RNASE6: variants seen among roughly 807,000 people sequenced by gnomAD.
RNASE6 encodes the protein ribonuclease K6.
For synonymous variants in RNASE6, 64 were observed against 63.6 expected (o/e 1.01, Z -0.03); for missense variants, 197 against 181.9 (o/e 1.08, Z -0.48).
chr14:20,781,357 G>A lies in RNASE6; in HGVS notation c.-6+19G>A. 4 of 241,476 alleles carry A rather than the reference G, an allele frequency of 1.7e-5. No homozygotes were observed. In the South Asian group the frequency reaches 2.4e-4, roughly 14 times the overall value. 15.0% of individuals were successfully genotyped at this position (241,476 alleles called of 1,614,324 possible). On this transcript the variant is annotated intron_variant, in intron 1 of 1. Transcript: ENST00000304677. ...AGACCAGGTAAGAAAGAAAGCCTCAGGGCTGGAGCGAGTAGAGCAGTAAAG... is the reference window on the plus strand; with the variant it reads ...AGACCAGGTAAGAAAGAAAGCCTCAAGGCTGGAGCGAGTAGAGCAGTAAAG...
At position 20,781,827 on chromosome 14, in the gene RNASE6, C is replaced by T. The variant is rs114480851; in HGVS notation, c.128C>T (p.Pro43Leu). 281 of 1,614,062 alleles carry T rather than the reference C, an allele frequency of 1.7e-4. 1 individual carries two copies. The African/African-American group carries it at 3.2e-3, about 18-fold the overall frequency. The change falls in exon 2 of 2, where the codon CCT becomes CTT. Residue 43 changes from proline to leucine, a missense_variant. Physicochemically the swap from Pro to Leu is moderately conservative, Grantham distance 98. Transcript: ENST00000304677. ...GAAATTCAGCATATACAGCCAAGTC[C>T]TCTCCAATGCAACAGGGCAATGAGT... ...WFEIQHIQPSPLQCNRAMSGI... is the reference protein window; with the variant it reads ...WFEIQHIQPSLLQCNRAMSGI...
chr14:20,781,177 T>C (rs1227309459), upstream of RNASE6: 2 of 154,384 alleles, frequency 1.3e-5, no homozygotes, highest in Admixed American at 6.4e-5. Context: ...GAAGTTAATC[T>C]GCCAAACCCT....
rs60909508 is a variant in RNASE6 at position 20,781,350 on chromosome 14, A to C, written c.-6+12A>C. 1 of 213,102 alleles carries C rather than the reference A, an allele frequency of 4.7e-6. No homozygotes were observed. Among genetic ancestry groups the C allele is most frequent in the African/African-American group, 2.3e-5 (1 of 42,876 alleles). 13.2% of individuals were successfully genotyped at this position (213,102 alleles called of 1,614,324 possible). ...AACACTGAGACCAGGTAAGAAAGAA[A>C]GCCTCAGGGCTGGAGCGAGTAGAGC... is the stretch of plus-strand genomic sequence containing the variant. On this transcript the variant is annotated intron_variant, in intron 1 of 1. Transcript: ENST00000304677.
rs1157287642 is a variant in RNASE6 at position 20,782,272 on chromosome 14, T to C, written c.*120T>C. On this transcript the variant is annotated 3_prime_UTR_variant, in exon 2 of 2. Coordinates refer to ENST00000304677, the MANE Select transcript of RNASE6 (RefSeq NM_005615.5). ...GAAAGAAGAAAGGTGTTTGGAGAAT[T>C]CGAGTGCCTAGGATGCCAGACCAGA... 8.9e-6 allele frequency: 9 copies of C among 1,014,362 alleles called. No homozygotes were observed. The highest frequency in any genetic ancestry group is 1.3e-5 in the Non-Finnish European group (9 of 693,894). 62.8% of individuals were successfully genotyped at this position (1,014,362 alleles called of 1,614,324 possible). A position where few individuals can be genotyped will look rare whatever the true frequency, so the allele number is the denominator to read the frequency against.
At position 20,782,026 on chromosome 14, in the gene RNASE6, A is replaced by C; in HGVS notation, c.327A>C (p.Gly109=). 1.2e-6 allele frequency: 2 copies of C among 1,614,230 alleles called. No individual in the cohort carries two copies. Among genetic ancestry groups the C allele is most frequent in the Non-Finnish European group, 1.7e-6 (2 of 1,180,034 alleles). The change falls in exon 2 of 2, where the codon GGA becomes GGC. Residue 109 remains glycine (G), a synonymous_variant. Coordinates refer to ENST00000304677, the MANE Select transcript of RNASE6 (RefSeq NM_005615.5). The part of the protein sequence containing the change: ...VNMTDCRLTS[G]KYPQCRYSAA... ...TGACTGACTGCAGACTCACTTCAGG[A>C]AAGTATCCCCAGTGCCGCTATAGTG...
chr14:20,782,028 A>G lies in RNASE6; in HGVS notation c.329A>G (p.Lys110Arg). 2.5e-6 allele frequency: 4 copies of G among 1,614,252 alleles called. No individual in the cohort carries two copies. The highest frequency in any genetic ancestry group is 2.5e-6 in the Non-Finnish European group (3 of 1,180,044). Residue 110 changes from lysine to arginine, a missense_variant, in exon 2 of 2, where the codon AAG becomes AGG. Coordinates refer to ENST00000304677, the MANE Select transcript of RNASE6 (RefSeq NM_005615.5). ...ACTGACTGCAGACTCACTTCAGGAA[A>G]GTATCCCCAGTGCCGCTATAGTGCT... ...NMTDCRLTSGKYPQCRYSAAA... is the reference protein window; with the variant it reads ...NMTDCRLTSGRYPQCRYSAAA...
At position 20,782,360 on chromosome 14, in the gene RNASE6, G is replaced by C. The variant is rs1042446516; in HGVS notation, c.*208G>C. ...TAGTTCTGTACTTTTCGAGAGAAGGGAATAGGGAAGACAGCAAAGAAAGAT... is the reference window on the plus strand; with the variant it reads ...TAGTTCTGTACTTTTCGAGAGAAGGCAATAGGGAAGACAGCAAAGAAAGAT... On this transcript the variant is annotated 3_prime_UTR_variant, in exon 2 of 2. Transcript: ENST00000304677. 3 of 569,432 alleles carry C rather than the reference G, an allele frequency of 5.3e-6. No individual in the cohort carries two copies. The highest frequency in any genetic ancestry group is 6.2e-6 in the Non-Finnish European group (2 of 320,964). The allele number at this position is 569,432 out of a possible 1,614,324, so 35.3% of individuals were successfully genotyped here.
At chr14:20,781,468 G>A in intron 1 of RNASE6, 130 bp downstream of exon 1, 1 of 502,522 alleles carries the variant, frequency 2.0e-6, no homozygotes, top group Non-Finnish European at 3.5e-6. Flanking sequence ...GCCATCAAAT[G>A]CATGAGTACT....
At position 20,781,910 on chromosome 14, in the gene RNASE6, T is replaced by G. The variant is rs1396131398; in HGVS notation, c.211T>G (p.Phe71Val). The change falls in exon 2 of 2, where the codon TTC (phenylalanine) becomes GTC (valine). Residue 71 changes from phenylalanine (F) to valine (V), a missense_variant. Transcript: ENST00000304677. ...TCAAAATACCTTTCTGCATGACTCTTTCCAGAATGTGGCTGCTGTCTGTGA... is the reference window on the plus strand; with the variant it reads ...TCAAAATACCTTTCTGCATGACTCTGTCCAGAATGTGGCTGCTGTCTGTGA... ...KHQNTFLHDS[F>V]QNVAAVCDLL... 1 of 1,614,212 alleles carries G rather than the reference T, an allele frequency of 6.2e-7. No homozygotes were observed. Among genetic ancestry groups the G allele is most frequent in the Non-Finnish European group, 8.5e-7 (1 of 1,180,046 alleles).
chr14:20,781,503 A>G (rs759352002), intron 1 of RNASE6, among the ~76,000 whole-genome samples, 165 bp downstream of exon 1: 10 of 152,246 alleles, frequency 6.6e-5, no homozygotes, highest in South Asian at 4.1e-4. Flanking sequence ...GGATATGCCA[A>G]TCAAAGGAGA....
rs532153320 is a variant in RNASE6 at position 20,781,891 on chromosome 14, T to A, written c.192T>A (p.Asn64Lys). The A allele has an allele frequency of 5.0e-6, 8 of 1,614,100 alleles. No individual in the cohort carries two copies. The highest frequency in any genetic ancestry group is 6.8e-6 in the Non-Finnish European group (8 of 1,180,048). Residue 64 changes from asparagine (N) to lysine (K), a missense_variant, in exon 2 of 2, where the codon AAT (asparagine) becomes AAA (lysine). Coordinates refer to ENST00000304677, the MANE Select transcript of RNASE6 (RefSeq NM_005615.5). Reference sequence around the variant, plus strand: ...ATACCCAGCACTGTAAGCATCAAAATACCTTTCTGCATGACTCTTTCCAGA... The same window carrying A: ...ATACCCAGCACTGTAAGCATCAAAAAACCTTTCTGCATGACTCTTTCCAGA... ...NNYTQHCKHQNTFLHDSFQNV... is the reference protein window; with the variant it reads ...NNYTQHCKHQKTFLHDSFQNV...
Position 20,782,429 on chromosome 14 carries a change from G to A in RNASE6, c.*277G>A. ...AACTTTTGCCAAGCTTTATTGCCCT[G>A]TGTTCACAGCAATAAAACCACTTCC... is the stretch of plus-strand genomic sequence containing the variant. On this transcript the variant is annotated 3_prime_UTR_variant, in exon 2 of 2. Coordinates refer to ENST00000304677, the MANE Select transcript of RNASE6 (RefSeq NM_005615.5). 2.3e-6 allele frequency: 1 copy of A among 436,622 alleles called. No homozygotes were observed. Among genetic ancestry groups the A allele is most frequent in the Non-Finnish European group, 4.2e-6 (1 of 237,368 alleles). 27.0% of individuals were successfully genotyped at this position (436,622 alleles called of 1,614,324 possible). A position where few individuals can be genotyped will look rare whatever the true frequency, so the allele number is the denominator to read the frequency against.
Position 20,782,112 on chromosome 14 carries a change from C to T in RNASE6, c.413C>T (p.Pro138Leu). The T allele has an allele frequency of 6.2e-7, 1 of 1,612,084 alleles. No homozygotes were observed. Among genetic ancestry groups the T allele is most frequent in the African/African-American group, 1.3e-5 (1 of 74,988 alleles). Residue 138 changes from proline to leucine, a missense_variant, in exon 2 of 2, where the codon CCC (proline) becomes CTC (leucine). Coordinates refer to ENST00000304677, the MANE Select transcript of RNASE6 (RefSeq NM_005615.5). ...GACCCCCCTCAGAAGAGCGATCCCC[C>T]CTACAAGTTGGTTCCTGTACACTTA... The part of the protein sequence containing the change: ...ACDPPQKSDP[P>L]YKLVPVHLDS...
chr14:20,781,705 G>A lies in RNASE6; in HGVS notation c.6G>A (p.Val2=). M[V]LCFPLLLLLL... ...TCTCTTTCTACACAGAAAAGATGGT[G>A]CTATGCTTTCCTCTTCTTTTACTGC... Residue 2 remains valine (V), a synonymous_variant, in exon 2 of 2, where the codon GTG becomes GTA. Coordinates refer to ENST00000304677, the MANE Select transcript of RNASE6 (RefSeq NM_005615.5). 1 of 1,604,494 alleles carries A rather than the reference G, an allele frequency of 6.2e-7. No individual in the cohort carries two copies. Among genetic ancestry groups the A allele is most frequent in the Non-Finnish European group, 8.5e-7 (1 of 1,175,150 alleles).
At chr14:20,781,516 T>A (rs1218595865) in intron 1 of RNASE6, among the ~76,000 whole-genome samples, 178 bp downstream of exon 1, 2 of 152,058 alleles carry the variant, frequency 1.3e-5, no homozygotes, top group Non-Finnish European at 2.9e-5. Flanking sequence ...AAAGGAGAGG[T>A]CATATTTCTG....
chr14:20,781,464 A>C, intron 1 of RNASE6, 126 bp downstream of exon 1: 1 of 492,216 alleles, frequency 2.0e-6, no homozygotes, highest in Non-Finnish European at 3.6e-6. Context: ...GACAGCCATC[A>C]AATGCATGAG....
rs201810432 is a variant in RNASE6, at chr14:20,781,688, T to C, written c.-5-7T>C. On this transcript the variant is annotated splice_polypyrimidine_tract_variant and splice_region_variant and intron_variant, in intron 1 of 1. Transcript: ENST00000304677. ...CTACTATAACTATCTTCTCTCTTTC[T>C]ACACAGAAAAGATGGTGCTATGCTT... The C allele has an allele frequency of 1.8e-5, 29 of 1,567,598 alleles. No individual in the cohort carries two copies. In the East Asian group the frequency reaches 6.5e-4, roughly 35 times the overall value.
At chr14:20,781,561 G>C in intron 1 of RNASE6, 134 bp from the exon 2 acceptor site, 3 of 660,666 alleles carry the variant, frequency 4.5e-6, no homozygotes, top group South Asian at 4.3e-5. Flanking sequence ...AGAATTGTGA[G>C]ACTATGTGAG....
At position 20,782,075 on chromosome 14, in the gene RNASE6, A is replaced by G. The variant is rs762724818; in HGVS notation, c.376A>G (p.Ile126Val). The change falls in exon 2 of 2, where the codon ATT becomes GTT. Residue 126 changes from isoleucine (I) to valine (V), a missense_variant. Coordinates refer to ENST00000304677, the MANE Select transcript of RNASE6 (RefSeq NM_005615.5). ...YSAAAQYKFF[I>V]VACDPPQKSD... ...TGCTGCTGCCCAGTACAAATTCTTC[A>G]TTGTTGCCTGTGACCCCCCTCAGAA... is the stretch of plus-strand genomic sequence containing the variant. 5 of 1,614,086 alleles carry G rather than the reference A, an allele frequency of 3.1e-6. No individual in the cohort carries two copies. Among genetic ancestry groups the G allele is most frequent in the Non-Finnish European group, 4.2e-6 (5 of 1,180,000 alleles).
Sources: gnomAD v4.1 joint callset for allele counts (sites outside exome capture counted in the v4.1 genomes callset) on GRCh38, gnomAD v4.1.1 for gene constraint, MANE v1.5 for transcripts, NCBI Gene and HGNC (gene_info 2026-07-23, HGNC 2026-07-21) for gene names.